Variants in ERI1 observed in about 807,000 individuals in gnomAD.
The protein encoded by ERI1 is exoribonuclease 1, also known as 3'-5' exoribonuclease 1.
A neutral mutation model predicts 39.7 loss-of-function variants in ERI1; 39 were observed. That is an observed-to-expected ratio of 0.98 (90% CI 0.76 to 1.28). ERI1 has a LOEUF of 1.28. Among genes scored for constraint, ERI1 ranks in the 50% most tolerant of loss-of-function variants. The pLI is 0.00. For synonymous variants in ERI1, 204 were observed against 149.6 expected (o/e 1.36, Z -2.65); for missense variants, 581 against 416.9 (o/e 1.39, Z -3.43).
chr8:9,065,987 T>G (rs886196148), intron 3 of ERI1, among the ~76,000 whole-genome samples: 1 of 152,102 alleles, frequency 6.6e-6, no homozygotes, highest in African/African-American at 2.4e-5. Flanking sequence ...GGTGAATAGG[T>G]CACGGCCGCC....
chr8:9,066,167 C>T (rs1798870926), intron 3 of ERI1, among the ~76,000 whole-genome samples: 1 of 152,212 alleles, frequency 6.6e-6, no homozygotes. Flanking sequence ...TCCTCCTCTT[C>T]CTCCCCACCT....
Position 9,008,059 on chromosome 8 carries a change from C to G in ERI1, c.198C>G (p.Tyr66Ter). ...SSASDFSDPV[Y>*]KEIAITNGCI... is the part of the protein sequence containing the mutation. ...CGAGTGACTTCAGTGACCCGGTTTA[C>G]AAAGAGATTGCCATTACGAATGGCT... The change falls in exon 2 of 7, where the codon TAC (tyrosine) becomes TAG (stop). Residue 66 changes from tyrosine to a stop codon, truncating the protein, a stop_gained. Transcript: ENST00000250263. LOFTEE classifies it high-confidence loss of function. 5.0e-6 allele frequency: 8 copies of G among 1,588,796 alleles called. No individual in the cohort carries two copies. The highest frequency in any genetic ancestry group is 6.8e-6 in the Non-Finnish European group (8 of 1,169,086).
At chr8:9,055,991 A>T (rs1186214501) in intron 3 of ERI1, among the ~76,000 whole-genome samples, 1 of 152,182 alleles carries the variant, frequency 6.6e-6, no homozygotes, top group African/African-American at 2.4e-5. Context: ...TCAGAGAGAA[A>T]CTTCACTCCT....
At chr8:9,005,514 G>GT (rs60847461) in intron 1 of ERI1, among the ~76,000 whole-genome samples, 3,692 of 130,784 alleles carry the variant, frequency 0.028, 77 homozygotes, top group African/African-American at 0.053. Flanking sequence ...GTTTTTTTAT[G>GT]TTTTTTTTTT....
chr8:9,038,157 C>G (rs773489767), downstream of ERI1, among the ~76,000 whole-genome samples: 11 of 152,118 alleles, frequency 7.2e-5, no homozygotes, highest in Non-Finnish European at 1.5e-4. Flanking sequence ...AATTTAGTAC[C>G]ATCATCTGCA....
chr8:9,061,800 G>A (rs1441026868), intron 3 of ERI1, among the ~76,000 whole-genome samples: 4 of 149,902 alleles, frequency 2.7e-5, no homozygotes, highest in Non-Finnish European at 4.5e-5. Context: ...GGTGCTGTCC[G>A]TGAAGTTTTG....
intron 2 of ERI1, among the ~76,000 whole-genome samples, chr8:9,008,710 A>C (rs1816318128): frequency 6.6e-6 from 1 of 152,210 alleles, no homozygotes; most frequent in African/African-American, 2.4e-5. Context: ...AGTTTTTAGT[A>C]ATTTTTTGCG....
At chr8:9,004,907 G>A (rs113944059) in intron 1 of ERI1, among the ~76,000 whole-genome samples, 1 of 151,808 alleles carries the variant, frequency 6.6e-6, no homozygotes, top group Non-Finnish European at 1.5e-5. Flanking sequence ...ATGCTGGTCT[G>A]GAACTCCTGA....
At chr8:9,016,286 T>C (rs1216577401) in intron 3 of ERI1, 36 bp from the exon 4 acceptor site, 2 of 1,376,460 alleles carry the variant, frequency 1.5e-6, no homozygotes, top group South Asian at 2.5e-5. Context: ...TCTTAACTCA[T>C]ATAAATTACT....
intron 6 of ERI1, among the ~76,000 whole-genome samples, chr8:9,022,552 A>G (rs561037856): frequency 1.3e-5 from 2 of 152,110 alleles, no homozygotes; most frequent in South Asian, 2.1e-4. Context: ...GGCGCCCACA[A>G]CCACAACTGG....
intron 3 of ERI1, among the ~76,000 whole-genome samples, chr8:9,079,948 G>A (rs1267165628): frequency 6.6e-6 from 1 of 150,866 alleles, no homozygotes; most frequent in East Asian, 1.9e-4. Flanking sequence ...TGTGATTACA[G>A]GTGTAAGCCA....
At chr8:9,080,989 A>T (rs1031753865) in intron 3 of ERI1, among the ~76,000 whole-genome samples, 2 of 152,258 alleles carry the variant, frequency 1.3e-5, no homozygotes, top group African/African-American at 2.4e-5. Context: ...TAAACAAAAA[A>T]GGTTTAATTG....
At chr8:9,065,585 C>A (rs1432321624) in intron 3 of ERI1, among the ~76,000 whole-genome samples, 4 of 151,374 alleles carry the variant, frequency 2.6e-5, no homozygotes, top group Non-Finnish European at 4.4e-5. Flanking sequence ...GTCCCAGCTA[C>A]TCGGGAGGCT....
In ERI1 at chr8:9,040,094, C is replaced by A. The variant is rs1797967898; in HGVS notation, n.299+19630C>A. ...AGTTTTTAAATAGTTGAAAAAGTAA[C>A]TTAGAAGAACAGCTGTTTGTAGCAG... is the stretch of plus-strand genomic sequence containing the variant. On this transcript the variant is annotated intron_variant and non_coding_transcript_variant, in intron 3 of 3. Coordinates refer to the ERI1 transcript ENST00000518663. Among the ~76,000 whole-genome samples, 3 of 152,130 alleles carry A rather than the reference C, an allele frequency of 2.0e-5. No homozygotes were observed. In the South Asian group the frequency reaches 6.2e-4, roughly 32 times the overall value.
At position 9,008,242 on chromosome 8, in the gene ERI1, C is replaced by G. The variant is rs1242600515; in HGVS notation, c.287+94C>G. 8.2e-6 allele frequency: 9 copies of G among 1,095,412 alleles called. No homozygotes were observed. The South Asian group carries it at 1.1e-4, about 14-fold the overall frequency. The allele number at this position is 1,095,412 out of a possible 1,614,324, so 67.9% of individuals were successfully genotyped here. A position where few individuals can be genotyped will look rare whatever the true frequency, so the allele number is the denominator to read the frequency against. On this transcript the variant is annotated intron_variant, in intron 2 of 6. Coordinates refer to ENST00000250263, the MANE Select transcript of ERI1 (RefSeq NM_153332.4). ...GAAATATTAAAAATCATCTGTAATC[C>G]TACCGTAATGACATGATCCTATTAA...
chr8:9,059,979 C>G (rs1308816411), intron 3 of ERI1, among the ~76,000 whole-genome samples: 2 of 152,158 alleles, frequency 1.3e-5, no homozygotes, highest in African/African-American at 4.8e-5. Flanking sequence ...GGGCTGTACC[C>G]TGTAGCATTC....
chr8:9,027,607 G>C (rs1797271403), intron 6 of ERI1, among the ~76,000 whole-genome samples: 1 of 152,028 alleles, frequency 6.6e-6, no homozygotes, highest in Admixed American at 6.5e-5. Context: ...TTTTATAATT[G>C]AATGTCTTAC....
At chr8:9,025,130 G>A (rs1818333062) in intron 6 of ERI1, among the ~76,000 whole-genome samples, 2 of 152,282 alleles carry the variant, frequency 1.3e-5, no homozygotes, top group East Asian at 3.9e-4. Context: ...CTCAGGCTGA[G>A]CAGAGATTCA....
In ERI1 at chr8:9,003,114, G is replaced by T. The variant is rs746927621; in HGVS notation, c.51G>T (p.Ala17=). The T allele has an allele frequency of 2.4e-6, 3 of 1,245,778 alleles. No homozygotes were observed. The highest frequency in any genetic ancestry group is 2.0e-6 in the Non-Finnish European group (2 of 989,754). 77.2% of individuals were successfully genotyped at this position (1,245,778 alleles called of 1,614,324 possible). Residue 17 remains alanine, a synonymous_variant, in exon 1 of 7, where the codon GCG becomes GCT. Transcript: ENST00000250263. ...KEPAGEAVAL[A]LLESPRPEGG... ...CTGCCGGCGAGGCCGTGGCTCTCGC[G>T]CTGCTGGAGTCGCCGCGGCCGGAGG...
Sources: allele counts gnomAD v4.1 joint callset (sites outside exome capture counted in the v4.1 genomes callset), GRCh38; gene constraint gnomAD v4.1.1; transcripts MANE v1.5; gene names NCBI Gene and HGNC (gene_info 2026-07-23, HGNC 2026-07-21).